The following ATP5PO variants were observed in gnomAD, a reference collection of about 807,000 sequenced individuals.
The protein encoded by ATP5PO is ATP synthase peripheral stalk subunit OSCP.
ATP5PO carries 14 observed loss-of-function variants against 26.2 expected under a neutral mutation model. The observed-to-expected ratio is 0.53, with a 90% CI of 0.35 to 0.83. ATP5PO has a LOEUF of 0.83. Among genes scored for constraint, ATP5PO ranks in the 40% least tolerant of loss-of-function variants. The probability of loss-of-function intolerance (pLI) is 0.01; values close to 1 mark genes in which losing one functional copy is unlikely to be tolerated. For synonymous variants in ATP5PO, 106 were observed against 95.1 expected (o/e 1.12, Z -0.67); for missense variants, 241 against 258.5 (o/e 0.93, Z 0.46).
At chr21:33,915,507 C>T in intron 1 of ATP5PO, 1 of 619,576 alleles carries the variant, frequency 1.6e-6, no homozygotes, top group Non-Finnish European at 2.7e-6. Flanking sequence ...GCTCGGAAGA[C>T]GCCAAGGTTA....
At chr21:33,914,067 C>T (rs757703989) in intron 2 of ATP5PO, among the ~76,000 whole-genome samples, 6 of 151,990 alleles carry the variant, frequency 3.9e-5, no homozygotes, top group African/African-American at 1.2e-4. Context: ...CGTGAGCCAC[C>T]GCGCCCAGCC....
intron 6 of ATP5PO, 99 bp downstream of exon 6, chr21:33,903,826 ACAGAAAAATT>A: frequency 8.7e-7 from 1 of 1,151,506 alleles, no homozygotes; most frequent in African/African-American, 1.6e-5. Flanking sequence ...AATTTTAACT[ACAGAAAAATT>A]AGTATAGAGT....
At position 33,915,755 on chromosome 21, in the gene ATP5PO, G is replaced by C; in HGVS notation, c.9C>G (p.Ala3=). 1 of 1,575,598 alleles carries C rather than the reference G, an allele frequency of 6.3e-7. No homozygotes were observed. Among genetic ancestry groups the C allele is most frequent in the African/African-American group, 1.3e-5 (1 of 74,220 alleles). Residue 3 remains alanine (A), a synonymous_variant, in exon 1 of 7, where the codon GCC becomes GCG. Transcript: ENST00000290299. MA[A]PAVSGLSRQV... is the part of the protein sequence containing the mutation. ...GCCGGGAGAGCCCGGACACTGCTGG[G>C]GCAGCCATCTTCTCCCGGGCGGCTG...
intron 5 of ATP5PO, 77 bp downstream of exon 5, chr21:33,907,264 G>A (rs1448748655): frequency 1.5e-6 from 2 of 1,311,370 alleles, no homozygotes; most frequent in Non-Finnish European, 2.2e-6. Context: ...ATTTTACCCT[G>A]TTTTTCCCTT....
chr21:33,903,648 GAAGT>G lies in ATP5PO; in HGVS notation c.529-13_529-10del, dbSNP rs1420029595. ...AAGATTGACGGATCAGTCTACAAAA[GAAGT>G]AAGACTGGAAATGTGAAAACGCGCT... On this transcript the variant is annotated splice_polypyrimidine_tract_variant and intron_variant, in intron 6 of 6. Coordinates refer to ENST00000290299, the MANE Select transcript of ATP5PO (RefSeq NM_001697.3). The G allele has an allele frequency of 6.2e-7, 1 of 1,612,974 alleles. No homozygotes were observed.
chr21:33,913,843 G>A (rs910071481), intron 2 of ATP5PO, among the ~76,000 whole-genome samples: 2 of 151,948 alleles, frequency 1.3e-5, no homozygotes, highest in African/African-American at 2.4e-5. Flanking sequence ...GCAGTGGCAT[G>A]ATCTCTGCTC....
At chr21:33,908,452 A>G (rs1457899010) in intron 4 of ATP5PO, among the ~76,000 whole-genome samples, 1 of 152,206 alleles carries the variant, frequency 6.6e-6, no homozygotes, top group African/African-American at 2.4e-5. Flanking sequence ...TCATGCCTGT[A>G]ACCCCAACAC....
At position 33,905,563 on chromosome 21, in the gene ATP5PO, T is replaced by A. The variant is rs1987158500; in HGVS notation, c.442-1542A>T. ...CCCAACAGTATCAACATCAAAAGCATTAGTAACAGTTGGTTCTAAAATCTT... is the reference window on the plus strand; with the variant it reads ...CCCAACAGTATCAACATCAAAAGCAATAGTAACAGTTGGTTCTAAAATCTT... On this transcript the variant is annotated intron_variant, in intron 5 of 6. Transcript: ENST00000290299. Among the ~76,000 whole-genome samples the A allele has an allele frequency of 2.0e-5, 3 of 152,186 alleles. 1 individual carries two copies. The South Asian group carries it at 6.2e-4, about 32-fold the overall frequency.
chr21:33,905,867 G>A (rs8132347), intron 5 of ATP5PO, among the ~76,000 whole-genome samples: 25,723 of 140,004 alleles, frequency 0.18, 2,429 homozygotes, highest in Non-Finnish European at 0.22. Context: ...AGCTAAGATC[G>A]TGCCACTGCA....
rs377315164 is a variant in ATP5PO, at chr21:33,915,734, G to C, written c.30C>G (p.Ser10=). ...AGGACCACCTTTCTCTCACCTGCCG[G>C]GAGAGCCCGGACACTGCTGGGGCAG... The part of the protein sequence containing the change: MAAPAVSGL[S]RQVRCFSTSV... Residue 10 remains serine (S), a synonymous_variant, in exon 1 of 7, where the codon TCC becomes TCG. Coordinates refer to ENST00000290299, the MANE Select transcript of ATP5PO (RefSeq NM_001697.3). 3.2e-6 allele frequency: 5 copies of C among 1,575,268 alleles called. No homozygotes were observed. In the African/African-American group the frequency reaches 5.4e-5, roughly 17 times the overall value.
intron 5 of ATP5PO, 126 bp from the exon 6 acceptor site, chr21:33,904,147 C>G (rs747616848): frequency 1.4e-6 from 1 of 724,658 alleles, no homozygotes; most frequent in Non-Finnish European, 2.2e-6. Context: ...CTGGGCCCAT[C>G]ATGGAGCTGC....
chr21:33,911,662 G>GTTTTTGT (rs1987248969), intron 3 of ATP5PO, among the ~76,000 whole-genome samples: 3 of 92,096 alleles, frequency 3.3e-5, no homozygotes, highest in East Asian at 6.9e-4. Flanking sequence ...ATAAGCATAG[G>GTTTTTGT]TTTTTTTTTT....
chr21:33,910,608 C>A (rs112593420), intron 3 of ATP5PO, among the ~76,000 whole-genome samples: 1 of 152,124 alleles, frequency 6.6e-6, no homozygotes, highest in East Asian at 1.9e-4. Context: ...TGATTGTTTC[C>A]GTTTAAAATG....
intron 3 of ATP5PO, among the ~76,000 whole-genome samples, chr21:33,909,912 C>T (rs969280747): frequency 6.6e-6 from 1 of 152,192 alleles, no homozygotes; most frequent in Non-Finnish European, 1.5e-5. Context: ...CCACAGAGGC[C>T]TCCGCACCGC....
intron 5 of ATP5PO, among the ~76,000 whole-genome samples, chr21:33,906,224 T>A (rs1284407777): frequency 6.6e-6 from 1 of 152,184 alleles, no homozygotes; most frequent in Non-Finnish European, 1.5e-5. Flanking sequence ...AAATGCTACA[T>A]CTATTAATCT....
At chr21:33,913,864 C>T (rs1243559845) in intron 2 of ATP5PO, among the ~76,000 whole-genome samples, 1 of 152,062 alleles carries the variant, frequency 6.6e-6, no homozygotes, top group African/African-American at 2.4e-5. Context: ...ACTACAACCT[C>T]CGCCTCCCGG....
chr21:33,903,708 G>T, intron 6 of ATP5PO, 69 bp from the exon 7 acceptor site: 1 of 1,528,002 alleles, frequency 6.5e-7, no homozygotes, highest in South Asian at 1.1e-5. Flanking sequence ...AAAGTGTTTT[G>T]AAAGGCTAAA....
intron 6 of ATP5PO, 58 bp from the exon 7 acceptor site, chr21:33,903,697 A>G (rs1249300678): frequency 6.4e-7 from 1 of 1,573,000 alleles, no homozygotes; most frequent in South Asian, 1.1e-5. Context: ...GGACACACAA[A>G]AAAGTGTTTT....
intron 4 of ATP5PO, 130 bp downstream of exon 4, chr21:33,908,952 G>A: frequency 1.9e-6 from 2 of 1,051,878 alleles, no homozygotes; most frequent in Admixed American, 5.4e-5. Context: ...GATTCAGCAG[G>A]TTGCTGTGAG....
Sources: gnomAD v4.1 joint callset for allele counts (sites outside exome capture counted in the v4.1 genomes callset) on GRCh38, gnomAD v4.1.1 for gene constraint, MANE v1.5 for transcripts, NCBI Gene and HGNC (gene_info 2026-07-23, HGNC 2026-07-21) for gene names.